Variants in ANKRD53 observed in about 807,000 individuals in gnomAD.
ANKRD53 encodes the protein ankyrin repeat domain 53.
Under a neutral mutation model 30.1 loss-of-function variants are expected in ANKRD53, and 27 were observed. That is an observed-to-expected ratio of 0.90 (90% CI 0.66 to 1.24). The LOEUF (loss-of-function observed/expected upper bound fraction) is 1.24. ANKRD53 is among the 50% of genes most tolerant of loss of function. ANKRD53 has a pLI of 0.00. For synonymous variants in ANKRD53, 286 were observed against 295.4 expected, an observed-to-expected ratio of 0.97 and a Z score of 0.33; for missense variants, 682 against 721.0, an observed-to-expected ratio of 0.95 and a Z score of 0.62.
rs782189453 is a variant in ANKRD53 at position 70,984,730 on chromosome 2, C to T, written c.1023C>T (p.Thr341=). ...CCCGGGCCACCGCCCTCTCCAAGAC[C>T]CCAGAGCAACGGGAATCGCAGCGTT... The part of the protein sequence containing the change: ...KQARATALSK[T]PEQRESQRSR... Residue 341 remains threonine, a synonymous_variant, in exon 6 of 6, where the codon ACC becomes ACT. Coordinates refer to ENST00000360589, the MANE Select transcript of ANKRD53 (RefSeq NM_001115116.2). 7.5e-6 allele frequency: 12 copies of T among 1,607,340 alleles called. No homozygotes were observed. Among genetic ancestry groups the T allele is most frequent in the Middle Eastern group, 1.6e-4 (1 of 6,074 alleles).
At position 70,978,907 on chromosome 2, in the gene ANKRD53, G is replaced by A; in HGVS notation, c.170+92G>A. 1 of 1,462,086 alleles carries A rather than the reference G, an allele frequency of 6.8e-7. No homozygotes were observed. The highest frequency in any genetic ancestry group is 9.1e-7 in the Non-Finnish European group (1 of 1,104,700). 90.6% of individuals were successfully genotyped at this position (1,462,086 alleles called of 1,614,324 possible). On this transcript the variant is annotated intron_variant, in intron 1 of 5. Transcript: ENST00000360589. The surrounding 1 kb of genome is among the most constrained non-coding windows in gnomAD (Gnocchi z 4.3). The stretch of plus-strand genomic sequence containing the variant: ...GCAGGGCCTGGAGCGGGCGGGGGCG[G>A]AGGCTGCGGCCCGAGAAGCCAGCAG...
chr2:70,979,115 C>A lies in ANKRD53; in HGVS notation c.189C>A (p.Leu63=). Residue 63 remains leucine (L), a synonymous_variant, in exon 2 of 6, where the codon CTC becomes CTA. Transcript: ENST00000360589. ...CCTCCAGCCAGCCCCTGCCCGACCTCGCAGACCACCTCAGTGCGCAGGCGA... is the reference window on the plus strand; with the variant it reads ...CCTCCAGCCAGCCCCTGCCCGACCTAGCAGACCACCTCAGTGCGCAGGCGA... ...SKQPSQPLPD[L]ADHLSAQATA... The A allele has an allele frequency of 6.2e-7, 1 of 1,602,718 alleles. No individual in the cohort carries two copies.
At chr2:70,979,568 AAAGTG>A in intron 2 of ANKRD53, 88 bp from the exon 3 acceptor site, 19 of 1,440,044 alleles carry the variant, frequency 1.3e-5, no homozygotes, top group Non-Finnish European at 1.8e-5. Flanking sequence ...CACAGGGAAG[AAAGTG>A]AAGGTAACCC....
chr2:70,983,970 C>T (rs1004691405), intron 5 of ANKRD53, among the ~76,000 whole-genome samples: 2 of 151,994 alleles, frequency 1.3e-5, no homozygotes, highest in Non-Finnish European at 2.9e-5. Context: ...TGGAAGGCTC[C>T]GTGGAGGCAA....
chr2:70,978,825 G>A lies in ANKRD53; in HGVS notation c.170+10G>A. On this transcript the variant is annotated intron_variant, in intron 1 of 5. Coordinates refer to ENST00000360589, the MANE Select transcript of ANKRD53 (RefSeq NM_001115116.2). This position sits in a 1 kb window ranked among gnomAD's most constrained non-coding sequence, Gnocchi z 4.3. Reference sequence around the variant, plus strand: ...AGTCCAAGCAGCCCAGGTGGGTAGCGGGAGAAGGTGTCCCGGCTGCAGGGA... The same window carrying A: ...AGTCCAAGCAGCCCAGGTGGGTAGCAGGAGAAGGTGTCCCGGCTGCAGGGA... 1.9e-6 allele frequency: 3 copies of A among 1,554,454 alleles called. No individual in the cohort carries two copies. Among genetic ancestry groups the A allele is most frequent in the Admixed American group, 3.9e-5 (2 of 51,360 alleles).
rs1115050 is a variant in ANKRD53, at chr2:70,978,928, A to G, written c.170+113A>G. ...GGCGGAGGCTGCGGCCCGAGAAGCC[A>G]GCAGAGACAGGCTGGGGCCAGGGAT... is the stretch of plus-strand genomic sequence containing the variant. On this transcript the variant is annotated intron_variant, in intron 1 of 5. Transcript: ENST00000360589. The surrounding 1 kb of genome is among the most constrained non-coding windows in gnomAD (Gnocchi z 4.3). 20 of 1,447,304 alleles carry G rather than the reference A, an allele frequency of 1.4e-5. No homozygotes were observed. The East Asian group carries it at 3.1e-4, about 23-fold the overall frequency. The allele number at this position is 1,447,304 out of a possible 1,614,324, so 89.7% of individuals were successfully genotyped here. A position where few individuals can be genotyped will look rare whatever the true frequency, so the allele number is the denominator to read the frequency against.
rs192467128 is a variant in ANKRD53, at chr2:70,984,768, A to G, written c.1061A>G (p.His354Arg). 2.8e-5 allele frequency: 44 copies of G among 1,571,634 alleles called. No individual in the cohort carries two copies. In the East Asian group the frequency reaches 1.0e-3, roughly 36 times the overall value. Residue 354 changes from histidine to arginine, a missense_variant, in exon 6 of 6, where the codon CAC (histidine) becomes CGC (arginine). By Grantham distance (29) the His-to-Arg change is conservative (BLOSUM62 0). Coordinates refer to ENST00000360589, the MANE Select transcript of ANKRD53 (RefSeq NM_001115116.2). ...GAATCGCAGCGTTCCAGGAGCTTCC[A>G]CCCCTCTGTGGATGCACGCCTGCAA... is the stretch of plus-strand genomic sequence containing the variant. ...QRESQRSRSF[H>R]PSVDARLQCI...
Position 70,981,996 on chromosome 2 carries a change from T to C in ANKRD53, c.678T>C (p.Cys226=), listed in dbSNP as rs1553423695. 1.9e-6 allele frequency: 3 copies of C among 1,613,416 alleles called. No homozygotes were observed. The change falls in exon 4 of 6, where the codon TGT becomes TGC. Residue 226 remains cysteine, a synonymous_variant. Coordinates refer to ENST00000360589, the MANE Select transcript of ANKRD53 (RefSeq NM_001115116.2). The part of the protein sequence containing the change: ...HLAARDGLLD[C]VKVLVQSGAN... ...CAGCCCGTGACGGCTTGCTGGACTG[T>C]GTGAAGGTCCTGGTGCAGAGTGGCG...
At chr2:70,980,189 C>T (rs1572933201) in intron 3 of ANKRD53, among the ~76,000 whole-genome samples, 1 of 152,210 alleles carries the variant, frequency 6.6e-6, no homozygotes, top group Admixed American at 6.5e-5. Flanking sequence ...GTGGCGCATG[C>T]CTGTAATCCC....
In ANKRD53 at chr2:70,981,956, C is replaced by G; in HGVS notation, c.638C>G (p.Thr213Arg). ...CACAGTCAGACATGCAACGGCTCCA[C>G]GCCCCTGCACCTGGCAGCCCGTGAC... ...DLNAQTCNGS[T>R]PLHLAARDGL... The change falls in exon 4 of 6, where the codon ACG (threonine) becomes AGG (arginine). Residue 213 changes from threonine (T) to arginine (R), a missense_variant. Coordinates refer to ENST00000360589, the MANE Select transcript of ANKRD53 (RefSeq NM_001115116.2). The G allele has an allele frequency of 6.3e-7, 1 of 1,595,718 alleles. No individual in the cohort carries two copies. The highest frequency in any genetic ancestry group is 8.5e-7 in the Non-Finnish European group (1 of 1,170,530).
rs782501175 is a variant in ANKRD53 at position 70,979,757 on chromosome 2, A to C, written c.514A>C (p.Asn172His). 47 of 1,614,110 alleles carry C rather than the reference A, an allele frequency of 2.9e-5. No homozygotes were observed. Among genetic ancestry groups the C allele is most frequent in the Non-Finnish European group, 3.9e-5 (46 of 1,180,048 alleles). Residue 172 changes from asparagine to histidine, a missense_variant, in exon 3 of 6, where the codon AAC becomes CAC. Physicochemically the swap from Asn to His is moderately conservative, Grantham distance 68. Transcript: ENST00000360589. Reference sequence around the variant, plus strand: ...CAAGTTTCCCGTGGACCTGCTGACCAACAATAGCCAGACACCCCTGCACCT... The same window carrying C: ...CAAGTTTCCCGTGGACCTGCTGACCCACAATAGCCAGACACCCCTGCACCT... ...EYKFPVDLLT[N>H]NSQTPLHLVI...
Position 70,979,249 on chromosome 2 carries a change from G to GCT in ANKRD53, c.324_325dup (p.Tyr109SerfsTer20). 1 of 1,613,616 alleles carries GCT rather than the reference G, an allele frequency of 6.2e-7. No homozygotes were observed. ...GCAATCGACCAGACGGCGATCGGGA[G>GCT]CTACTACCAGCTGTTCGCAGCGGCT... is the stretch of plus-strand genomic sequence containing the variant. On this transcript the variant is annotated frameshift_variant, in exon 2 of 6. Transcript: ENST00000360589. LOFTEE classifies it high-confidence loss of function.
chr2:70,984,372 T>G (rs1453118088), intron 5 of ANKRD53: 1 of 1,584,698 alleles, frequency 6.3e-7, no homozygotes, highest in East Asian at 2.2e-5. Context: ...GAGAGGTGCT[T>G]TGTCTCCCCA....
chr2:70,980,634 G>C (rs112179658), intron 3 of ANKRD53, among the ~76,000 whole-genome samples: 1 of 151,574 alleles, frequency 6.6e-6, no homozygotes, highest in African/African-American at 2.4e-5. Flanking sequence ...GAGCGAGACT[G>C]TCTCAAAAAA....
At chr2:70,983,208 T>C (rs1237283034) in intron 5 of ANKRD53, among the ~76,000 whole-genome samples, 1 of 151,712 alleles carries the variant, frequency 6.6e-6, no homozygotes, top group Non-Finnish European at 1.5e-5. Flanking sequence ...TCCAGGAGGG[T>C]GTCAGGAGGC....
intron 3 of ANKRD53, 146 bp from the exon 4 acceptor site, chr2:70,981,790 T>C: frequency 1.2e-6 from 1 of 804,098 alleles, no homozygotes. Flanking sequence ...GAAATTGAGG[T>C]GCCAAAAGGG....
rs1670025326 is a variant in ANKRD53, at chr2:70,982,032, T to C, written c.714T>C (p.His238=). 1 of 1,613,812 alleles carries C rather than the reference T, an allele frequency of 6.2e-7. No individual in the cohort carries two copies. The highest frequency in any genetic ancestry group is 1.1e-5 in the South Asian group (1 of 91,030). Residue 238 remains histidine (H), a synonymous_variant, in exon 4 of 6, where the codon CAT becomes CAC. Coordinates refer to ENST00000360589, the MANE Select transcript of ANKRD53 (RefSeq NM_001115116.2). This position sits in a 1 kb window ranked among gnomAD's most constrained non-coding sequence, Gnocchi z 4.2. ...KVLVQSGANV[H]AQDAMGYKPI... The stretch of plus-strand genomic sequence containing the variant: ...TGGTGCAGAGTGGCGCCAACGTCCA[T>C]GCCCAAGATGCCATGGGCTACAAAC...
At position 70,978,659 on chromosome 2, in the gene ANKRD53, G is replaced by T. The variant is rs1553422795; in HGVS notation, c.14G>T (p.Gly5Val). The stretch of plus-strand genomic sequence containing the variant: ...TCCAGCCCCGCGATGGCCTCCGCGG[G>T]CAGCACCGCTCGGCGGGCGGGCTCC... Reference protein sequence around the residue: MASAGSTARRAGSGS... With the variant: MASAVSTARRAGSGS... The change falls in exon 1 of 6, where the codon GGC (glycine) becomes GTC (valine). Residue 5 changes from glycine (G) to valine (V), a missense_variant. By Grantham distance (109) the Gly-to-Val change is moderately radical (BLOSUM62 -3). Coordinates refer to ENST00000360589, the MANE Select transcript of ANKRD53 (RefSeq NM_001115116.2). The surrounding 1 kb of genome is among the most constrained non-coding windows in gnomAD (Gnocchi z 4.3). The T allele has an allele frequency of 6.5e-7, 1 of 1,541,180 alleles. No individual in the cohort carries two copies. The highest frequency in any genetic ancestry group is 2.5e-5 in the East Asian group (1 of 39,920).
At chr2:70,978,454 G>C, upstream of ANKRD53, 1 of 567,656 alleles carries the variant, frequency 1.8e-6, no homozygotes, top group Non-Finnish European at 2.8e-6. The surrounding 1 kb of genome is among the most constrained non-coding windows in gnomAD (Gnocchi z 4.3). Flanking sequence ...GCGGCGGGTG[G>C]GGAGCGGCAG....
Sources: allele counts gnomAD v4.1 joint callset (sites outside exome capture counted in the v4.1 genomes callset), GRCh38; gene constraint gnomAD v4.1.1; non-coding constraint Gnocchi (gnomAD v3.1); transcripts MANE v1.5; gene names NCBI Gene and HGNC (gene_info 2026-07-23, HGNC 2026-07-21).